Variants in LRP1B observed in about 807,000 individuals in gnomAD.
LRP1B encodes low-density lipoprotein receptor-related protein 1B.
Under a neutral mutation model 556.6 loss-of-function variants are expected in LRP1B, and 217 were observed. That is an observed-to-expected ratio of 0.39 (90% CI 0.35 to 0.44). The LOEUF (loss-of-function observed/expected upper bound fraction) is 0.44, where lower values mean the gene tolerates loss of function less well. LRP1B is among the 20% of genes least tolerant of loss of function. LRP1B has a pLI of 1.00. For missense variants in LRP1B, 5,053 were observed against 5,620.8 expected, an observed-to-expected ratio of 0.90 and a Z score of 3.23; for synonymous variants, 2,047 against 1,865.8, an observed-to-expected ratio of 1.10 and a Z score of -2.50.
At chr2:141,039,907 A>C (rs1264889594) in intron 11 of LRP1B, among the ~76,000 whole-genome samples, 1 of 152,150 alleles carries the variant, frequency 6.6e-6, no homozygotes, top group Non-Finnish European at 1.5e-5. Flanking sequence ...TGAGAAATAT[A>C]TATTTACAGA....
At chr2:141,629,043 A>G (rs1213263526) in intron 2 of LRP1B, among the ~76,000 whole-genome samples, 2 of 152,210 alleles carry the variant, frequency 1.3e-5, no homozygotes, top group Non-Finnish European at 2.9e-5. Context: ...CATGAGAATC[A>G]TAATGTCCAA....
intron 31 of LRP1B, among the ~76,000 whole-genome samples, chr2:140,836,665 G>T (rs1211205044): frequency 1.3e-5 from 2 of 152,140 alleles, no homozygotes; most frequent in Non-Finnish European, 2.9e-5. Flanking sequence ...TCTTGTGGGT[G>T]TCTAAAATAA....
At chr2:141,067,016 T>A (rs1189073486) in intron 7 of LRP1B, among the ~76,000 whole-genome samples, 1 of 151,988 alleles carries the variant, frequency 6.6e-6, no homozygotes, top group Admixed American at 6.6e-5. Context: ...GATACGTATT[T>A]TCCTCAGAAA....
At chr2:141,007,124 C>T (rs13012143) in intron 14 of LRP1B, among the ~76,000 whole-genome samples, 26,981 of 151,446 alleles carry the variant, frequency 0.18, 2,517 homozygotes, top group East Asian at 0.23. Flanking sequence ...TTACTTAGAG[C>T]CATACGATAA....
chr2:141,756,012 G>A (rs1276937055), intron 2 of LRP1B, among the ~76,000 whole-genome samples: 3 of 152,012 alleles, frequency 2.0e-5, no homozygotes, highest in South Asian at 2.1e-4. Context: ...AAAAGTAGAC[G>A]TATATGACAT....
At position 140,822,018 on chromosome 2, in the gene LRP1B, A is replaced by AT. The variant is rs1165921205; in HGVS notation, c.5210-8213_5210-8212insA. On this transcript the variant is annotated intron_variant, in intron 31 of 90. Transcript: ENST00000389484. ...CGTCTCAAAAAAAAAAGAAAAAAAA[A>AT]GAATAAAGGGGAAACATCAAAGAAA... Among the ~76,000 whole-genome samples the AT allele has an allele frequency of 1.2e-4, 18 of 152,280 alleles. 1 individual carries two copies. In the East Asian group the frequency reaches 2.3e-3, roughly 20 times the overall value.
intron 6 of LRP1B, among the ~76,000 whole-genome samples, chr2:141,204,765 C>T (rs1187015135): frequency 6.6e-6 from 1 of 151,804 alleles, no homozygotes; most frequent in East Asian, 1.9e-4. Flanking sequence ...GGTGAAACCC[C>T]GTCTCTACTA....
chr2:142,018,045 G>A (rs891757384), intron 1 of LRP1B, among the ~76,000 whole-genome samples: 7 of 149,224 alleles, frequency 4.7e-5, no homozygotes, highest in Admixed American at 1.3e-4. Context: ...TCAATTGTCT[G>A]TCATTTGTAG....
chr2:140,573,107 C>T lies in LRP1B; in HGVS notation c.7194+25524G>A, dbSNP rs143498072. On this transcript the variant is annotated intron_variant, in intron 43 of 90. Coordinates refer to ENST00000389484, the MANE Select transcript of LRP1B (RefSeq NM_018557.3). ...ACTGTAGGGTGACTATAGTTAACAA[C>T]AATTTATTGAATATTTCCAAATAGT... Among the ~76,000 whole-genome samples the T allele has an allele frequency of 2.8e-3, 422 of 151,696 alleles. 2 individuals carry two copies. The highest frequency in any genetic ancestry group is 9.7e-3 in the African/African-American group (401 of 41,414).
intron 3 of LRP1B, among the ~76,000 whole-genome samples, chr2:141,409,745 A>T (rs1262592593): frequency 6.6e-6 from 1 of 152,120 alleles, no homozygotes; most frequent in Non-Finnish European, 1.5e-5. Context: ...GGCCATAAAA[A>T]ATCTCAATTA....
chr2:142,083,845 C>A (rs1045559268), intron 1 of LRP1B, among the ~76,000 whole-genome samples: 1 of 152,154 alleles, frequency 6.6e-6, no homozygotes, highest in Non-Finnish European at 1.5e-5. Flanking sequence ...TCTGCAAACA[C>A]AAACAAGCAA....
At chr2:140,796,081 A>G (rs1690301757) in intron 32 of LRP1B, among the ~76,000 whole-genome samples, 1 of 147,430 alleles carries the variant, frequency 6.8e-6, no homozygotes, top group African/African-American at 2.4e-5. Flanking sequence ...ATCTATGTCT[A>G]TCTTTCTATG....
In LRP1B at chr2:141,516,268, T is replaced by G. The variant is rs183553559; in HGVS notation, c.206-35735A>C. The stretch of plus-strand genomic sequence containing the variant: ...ACACTCAGAAGCATTTCAAAGATGT[T>G]GATTTCTATCTCCAAATCCCCATAG... On this transcript the variant is annotated intron_variant, in intron 2 of 90. Coordinates refer to ENST00000389484, the MANE Select transcript of LRP1B (RefSeq NM_018557.3). Among the ~76,000 whole-genome samples, 6 of 152,296 alleles carry G rather than the reference T, an allele frequency of 3.9e-5. No homozygotes were observed. The East Asian group carries it at 1.2e-3, about 30-fold the overall frequency.
chr2:142,030,107 G>C (rs946206769), intron 1 of LRP1B, among the ~76,000 whole-genome samples: 4 of 151,270 alleles, frequency 2.6e-5, no homozygotes, highest in Non-Finnish European at 5.9e-5. Context: ...CATCTATATG[G>C]TGATCATATA....
chr2:140,256,427 TTTC>T (rs1454458392), intron 86 of LRP1B, among the ~76,000 whole-genome samples: 1 of 149,950 alleles, frequency 6.7e-6, no homozygotes, highest in East Asian at 1.9e-4. Context: ...GTTTTATGGT[TTTC>T]TTTTCTCTTT....
Position 140,644,720 on chromosome 2 carries a change from T to G in LRP1B, c.6800-43081A>C, listed in dbSNP as rs117317327. Among the ~76,000 whole-genome samples the G allele has an allele frequency of 2.6e-5, 4 of 152,244 alleles. No homozygotes were observed. In the East Asian group the frequency reaches 7.7e-4, roughly 29 times the overall value. ...GAGCCACCATGCCCAGCCTATTTAA[T>G]TTTTAACAAACATAGGACTACATGG... On this transcript the variant is annotated intron_variant, in intron 41 of 90. Coordinates refer to ENST00000389484, the MANE Select transcript of LRP1B (RefSeq NM_018557.3).
chr2:141,529,291 T>C (rs1684793859), intron 2 of LRP1B, among the ~76,000 whole-genome samples: 1 of 152,220 alleles, frequency 6.6e-6, no homozygotes, highest in Non-Finnish European at 1.5e-5. Context: ...TGTTCCATTT[T>C]TAGTTAGCTG....
intron 41 of LRP1B, among the ~76,000 whole-genome samples, chr2:140,673,756 C>T (rs1248620245): frequency 6.6e-6 from 1 of 151,848 alleles, no homozygotes; most frequent in Non-Finnish European, 1.5e-5. Context: ...TAGTTCGGGC[C>T]GTGACAGAAA....
At position 140,506,789 on chromosome 2, in the gene LRP1B, T is replaced by A. The variant is rs748558959; in HGVS notation, c.8521+7A>T. The stretch of plus-strand genomic sequence containing the variant: ...AATCTCCTTCATGAAGTTTTAGATG[T>A]ACTTACCACACTGCGGTGACTCATC... On this transcript the variant is annotated splice_region_variant and intron_variant, in intron 53 of 90. Coordinates refer to ENST00000389484, the MANE Select transcript of LRP1B (RefSeq NM_018557.3). 2.5e-6 allele frequency: 4 copies of A among 1,608,242 alleles called. No individual in the cohort carries two copies. In the African/African-American group the frequency reaches 5.4e-5, roughly 22 times the overall value.
Sources: allele counts gnomAD v4.1 joint callset (sites outside exome capture counted in the v4.1 genomes callset), GRCh38; gene constraint gnomAD v4.1.1; transcripts MANE v1.5; gene names NCBI Gene and HGNC (gene_info 2026-07-23, HGNC 2026-07-21).